The following ZBBX variants were observed in gnomAD, a reference collection of about 807,000 sequenced individuals.
The protein encoded by ZBBX is zinc finger B-box domain containing.
In ZBBX, 101 loss-of-function variants were observed where a neutral mutation model predicts 108.5. The observed-to-expected ratio is 0.93, with a 90% CI of 0.79 to 1.10. The LOEUF (loss-of-function observed/expected upper bound fraction) is 1.10, where lower values mean the gene tolerates loss of function less well. ZBBX is among the 50% of genes least tolerant of loss of function. The pLI, the probability that ZBBX is intolerant of heterozygous loss-of-function variation, is 0.00. For synonymous variants in ZBBX, 356 were observed against 323.4 expected (o/e 1.10, Z -1.08); for missense variants, 1,009 against 941.4 (o/e 1.07, Z -0.94).
At chr3:167,184,729 G>C in the ZBBX span, among the ~76,000 whole-genome samples, 6 of 151,972 alleles carry the variant, frequency 3.9e-5, no homozygotes, top group African/African-American at 1.2e-4. Context: ...GAACCAGTGG[G>C]AGCCGCAGTG....
In ZBBX at chr3:167,288,758, A is replaced by G. The variant is rs374718177; in HGVS notation, c.1996+109T>C. 23 of 510,758 alleles carry G rather than the reference A, an allele frequency of 4.5e-5. No individual in the cohort carries two copies. The East Asian group carries it at 5.0e-4, about 11-fold the overall frequency. The allele number at this position is 510,758 out of a possible 1,614,324, so 31.6% of individuals were successfully genotyped here. On this transcript the variant is annotated intron_variant, in intron 19 of 21. Transcript: ENST00000675490. Reference sequence around the variant, plus strand: ...TAGTTAAAATGAATGAATTTAAATTACAGAACTTCAAAAACTAAATTGCAG... The same window carrying G: ...TAGTTAAAATGAATGAATTTAAATTGCAGAACTTCAAAAACTAAATTGCAG...
chr3:167,298,248 C>CTCA, intron 18 of ZBBX, 57 bp downstream of exon 18: 1 of 1,362,448 alleles, frequency 7.3e-7, no homozygotes, highest in Non-Finnish European at 9.9e-7. Context: ...AACAGAATTG[C>CTCA]TCAGTATTTC....
chr3:167,329,781 T>C (rs1416820896), intron 10 of ZBBX, among the ~76,000 whole-genome samples: 1 of 152,188 alleles, frequency 6.6e-6, no homozygotes, highest in Non-Finnish European at 1.5e-5. Flanking sequence ...TCAAGGGCTC[T>C]GCCTGCTGCA....
chr3:167,339,429 A>T (rs1740152256), intron 9 of ZBBX, among the ~76,000 whole-genome samples: 1 of 152,138 alleles, frequency 6.6e-6, no homozygotes, highest in African/African-American at 2.4e-5. Flanking sequence ...CATTTTGGTA[A>T]AAATAATCTC....
At chr3:167,376,050 T>C (rs924268682) in intron 2 of ZBBX, among the ~76,000 whole-genome samples, 1 of 152,146 alleles carries the variant, frequency 6.6e-6, no homozygotes, top group African/African-American at 2.4e-5. Flanking sequence ...CACAATATCA[T>C]GGGGCATTTT....
At chr3:167,380,905 C>T (rs1482218777), upstream of ZBBX, among the ~76,000 whole-genome samples, 1 of 148,858 alleles carries the variant, frequency 6.7e-6, no homozygotes, top group African/African-American at 2.5e-5. Flanking sequence ...CACACACACA[C>T]AGTTAACCCA....
the ZBBX span, among the ~76,000 whole-genome samples, chr3:167,226,064 C>T: frequency 3.3e-4 from 49 of 150,044 alleles, no homozygotes; most frequent in African/African-American, 1.2e-3. Flanking sequence ...AAATAGTAGC[C>T]CTGGCAGTGA....
chr3:167,363,805 C>T (rs978318252), intron 6 of ZBBX, among the ~76,000 whole-genome samples: 2 of 152,046 alleles, frequency 1.3e-5, no homozygotes, highest in East Asian at 1.9e-4. Context: ...TTCTTTTCAA[C>T]CAATTGAAAT....
At chr3:167,293,180 C>T (rs565983569) in intron 18 of ZBBX, among the ~76,000 whole-genome samples, 27 of 152,198 alleles carry the variant, frequency 1.8e-4, no homozygotes, top group East Asian at 1.2e-3. Flanking sequence ...AAAAGAGGGA[C>T]GCCTCCCTAA....
chr3:167,208,974 C>T, the ZBBX span, among the ~76,000 whole-genome samples: 2 of 152,228 alleles, frequency 1.3e-5, no homozygotes, highest in South Asian at 4.1e-4. Context: ...GGATTCACCA[C>T]AAGCTGGCTG....
chr3:167,360,804 C>T, intron 6 of ZBBX, 81 bp from the exon 7 acceptor site: 1 of 835,592 alleles, frequency 1.2e-6, no homozygotes, highest in Non-Finnish European at 1.7e-6. Context: ...TATTAGAAAG[C>T]TGTAGCTTTG....
At chr3:167,242,715 T>C (rs1488270595) in intron 20 of ZBBX, 72 bp from the exon 21 acceptor site, 2 of 1,349,546 alleles carry the variant, frequency 1.5e-6, no homozygotes, top group Non-Finnish European at 2.0e-6. Context: ...TGGTGCTGAA[T>C]GTTTACCCAG....
At chr3:167,203,014 G>T in the ZBBX span, among the ~76,000 whole-genome samples, 2 of 152,058 alleles carry the variant, frequency 1.3e-5, no homozygotes, top group African/African-American at 4.8e-5. Context: ...ATGGCAAAAT[G>T]ATCATGATCT....
chr3:167,278,355 A>G (rs1728081500), intron 20 of ZBBX, among the ~76,000 whole-genome samples: 1 of 151,268 alleles, frequency 6.6e-6, no homozygotes, highest in Non-Finnish European at 1.5e-5. Flanking sequence ...ACCACTAGCA[A>G]GACTAATAAA....
Position 167,282,091 on chromosome 3 carries a change from G to A in ZBBX, c.2254+147C>T. On this transcript the variant is annotated intron_variant, in intron 20 of 21. Coordinates refer to ENST00000675490, the MANE Select transcript of ZBBX (RefSeq NM_001199201.2). Reference sequence around the variant, plus strand: ...TCAGAGTGATATCGGGGATTTCCAGGAAAACAGACACAACGGTTGATGGTT... The same window carrying A: ...TCAGAGTGATATCGGGGATTTCCAGAAAAACAGACACAACGGTTGATGGTT... 4.5e-6 allele frequency: 4 copies of A among 889,494 alleles called. 1 individual carries two copies. The South Asian group carries it at 8.9e-5, about 20-fold the overall frequency. 55.1% of individuals were successfully genotyped at this position (889,494 alleles called of 1,614,324 possible).
chr3:167,250,964 C>G (rs74340348), intron 20 of ZBBX, among the ~76,000 whole-genome samples: 2,123 of 152,198 alleles, frequency 0.014, 27 homozygotes, highest in South Asian at 0.026. Flanking sequence ...ATGTCAAGAG[C>G]AGTACATCAG....
At chr3:167,225,009 C>T in the ZBBX span, among the ~76,000 whole-genome samples, 1 of 151,852 alleles carries the variant, frequency 6.6e-6, no homozygotes, top group Non-Finnish European at 1.5e-5. Context: ...CAGGAGGACC[C>T]TTTTTGGTTC....
chr3:167,198,462 T>C, the ZBBX span, among the ~76,000 whole-genome samples: 3 of 152,246 alleles, frequency 2.0e-5, no homozygotes, highest in South Asian at 4.1e-4. Flanking sequence ...TACTTTCACC[T>C]GTTAAATTTC....
In ZBBX at chr3:167,359,869, CCAGTAGAG is replaced by C. The variant is rs1431806106; in HGVS notation, c.425_432del (p.Ala142GlyfsTer4). On this transcript the variant is annotated frameshift_variant and splice_region_variant, in exon 8 of 22. Transcript: ENST00000675490. LOFTEE classifies it high-confidence loss of function. ...GTATATATACTATATAACGTACATA[CCAGTAGAG>C]CAGCTTTGTTCTCACACTGTCCACA... 1.4e-6 allele frequency: 2 copies of C among 1,443,184 alleles called. No homozygotes were observed. Among genetic ancestry groups the C allele is most frequent in the Non-Finnish European group, 1.9e-6 (2 of 1,050,322 alleles). 89.4% of individuals were successfully genotyped at this position (1,443,184 alleles called of 1,614,324 possible).
Sources: allele counts gnomAD v4.1 joint callset (sites outside exome capture counted in the v4.1 genomes callset), GRCh38; gene constraint gnomAD v4.1.1; transcripts MANE v1.5; gene names NCBI Gene and HGNC (gene_info 2026-07-23, HGNC 2026-07-21).